The following ADAMTS20 variants were observed in gnomAD, a reference collection of about 807,000 sequenced individuals.
ADAMTS20 encodes the protein A disintegrin and metalloproteinase with thrombospondin motifs 20.
Under a neutral mutation model 260.1 loss-of-function variants are expected in ADAMTS20, and 225 were observed. The observed-to-expected ratio is 0.87, with a 90% confidence interval of 0.78 to 0.97. ADAMTS20 has a LOEUF of 0.97. Among genes scored for constraint, ADAMTS20 ranks in the 50% least tolerant of loss-of-function variants. ADAMTS20 has a pLI of 0.00. For missense variants in ADAMTS20, 2,400 were observed against 2,337.7 expected (o/e 1.03, Z -0.55); for synonymous variants, 802 against 769.5 (o/e 1.04, Z -0.70).
chr12:43,551,986 C>T lies in ADAMTS20; in HGVS notation c.-65G>A. On this transcript the variant is annotated 5_prime_UTR_variant, in exon 1 of 39. Transcript: ENST00000389420. This position sits in a 1 kb window ranked among gnomAD's most constrained non-coding sequence, Gnocchi z 4.6. Reference sequence around the variant, plus strand: ...AGCCGCCGGCAGCCAAGCCGGCTTCCCTCGCGCTCCGATCCCTCTCCTCCC... The same window carrying T: ...AGCCGCCGGCAGCCAAGCCGGCTTCTCTCGCGCTCCGATCCCTCTCCTCCC... The T allele has an allele frequency of 7.1e-7, 1 of 1,403,308 alleles. No homozygotes were observed. The allele number at this position is 1,403,308 out of a possible 1,614,324, so 86.9% of individuals were successfully genotyped here. A position where few individuals can be genotyped will look rare whatever the true frequency, so the allele number is the denominator to read the frequency against.
intron 3 of ADAMTS20, among the ~76,000 whole-genome samples, chr12:43,530,463 A>G (rs141268576): frequency 9.8e-5 from 15 of 152,336 alleles, no homozygotes; most frequent in Admixed American, 3.9e-4. Context: ...TATTATGTCA[A>G]TAGATTTAAA....
In ADAMTS20 at chr12:43,476,804, C is replaced by T. The variant is rs151225218; in HGVS notation, c.1118-8099G>A. Reference sequence around the variant, plus strand: ...GGTGGGAATTGAACAATGAGATCAGCTGGACACATGAAGGGGAATACCACA... The same window carrying T: ...GGTGGGAATTGAACAATGAGATCAGTTGGACACATGAAGGGGAATACCACA... On this transcript the variant is annotated intron_variant, in intron 7 of 38. Coordinates refer to ENST00000389420, the MANE Select transcript of ADAMTS20 (RefSeq NM_025003.5). 3.7e-3 allele frequency among the ~76,000 whole-genome samples: 539 copies of T among 146,592 alleles called. 10 individuals are homozygous for T. The highest frequency in any genetic ancestry group is 0.03 in the Admixed American group (437 of 14,422).
intron 28 of ADAMTS20, among the ~76,000 whole-genome samples, chr12:43,421,183 A>AT (rs765099894): frequency 6.9e-6 from 1 of 145,418 alleles, no homozygotes; most frequent in African/African-American, 2.6e-5. Flanking sequence ...TACAGTATAT[A>AT]TTTTTTTCTG....
At position 43,354,001 on chromosome 12, in the gene ADAMTS20, A is replaced by G. The variant is rs559403359; in HGVS notation, c.*208T>C. 2.6e-6 allele frequency: 1 copy of G among 380,360 alleles called. No individual in the cohort carries two copies. The highest frequency in any genetic ancestry group is 4.2e-5 in the East Asian group (1 of 23,548). 23.6% of individuals were successfully genotyped at this position (380,360 alleles called of 1,614,324 possible). A position where few individuals can be genotyped will look rare whatever the true frequency, so the allele number is the denominator to read the frequency against. ...GTTCTTTAAAAAATATCCTGATTAG[A>G]TATAAAATAAATTAAGATAGCTCTT... On this transcript the variant is annotated 3_prime_UTR_variant, in exon 39 of 39. Coordinates refer to ENST00000389420, the MANE Select transcript of ADAMTS20 (RefSeq NM_025003.5).
chr12:43,358,025 G>C (rs1470185243), intron 37 of ADAMTS20, among the ~76,000 whole-genome samples: 1 of 152,282 alleles, frequency 6.6e-6, no homozygotes, highest in Admixed American at 6.5e-5. Context: ...TTCCTTCTCA[G>C]ATAGGTTTTT....
At position 43,543,594 on chromosome 12, in the gene ADAMTS20, T is replaced by C. The variant is rs1052469749; in HGVS notation, c.453+7315A>G. On this transcript the variant is annotated intron_variant, in intron 2 of 38. Coordinates refer to ENST00000389420, the MANE Select transcript of ADAMTS20 (RefSeq NM_025003.5). ...AGAAGACTGCGTTATCCAGAGATCCTGGACATTGAGCCAGAGTCAGTGCCC... is the reference window on the plus strand; with the variant it reads ...AGAAGACTGCGTTATCCAGAGATCCCGGACATTGAGCCAGAGTCAGTGCCC... 5.3e-5 allele frequency among the ~76,000 whole-genome samples: 8 copies of C among 152,214 alleles called. 1 individual carries two copies. The highest frequency in any genetic ancestry group is 1.9e-4 in the African/African-American group (8 of 41,470).
At position 43,406,462 on chromosome 12, in the gene ADAMTS20, A is replaced by T. The variant is rs560636184; in HGVS notation, c.4285-7229T>A. On this transcript the variant is annotated intron_variant, in intron 28 of 38. Coordinates refer to ENST00000389420, the MANE Select transcript of ADAMTS20 (RefSeq NM_025003.5). ...TAAATGTCTTTAGAACACTATTATG[A>T]AATAAAAGATTAGTGTATGAAACAA... is the stretch of plus-strand genomic sequence containing the variant. 2.6e-5 allele frequency among the ~76,000 whole-genome samples: 4 copies of T among 152,226 alleles called. No homozygotes were observed. The South Asian group carries it at 8.3e-4, about 32-fold the overall frequency.
At chr12:43,466,610 T>C (rs993923904) in intron 9 of ADAMTS20, 42 bp downstream of exon 9, 1 of 1,550,700 alleles carries the variant, frequency 6.4e-7, no homozygotes, top group Non-Finnish European at 8.8e-7. Context: ...TCAAATCTTA[T>C]AATCGAATAC....
chr12:43,495,254 T>G (rs1942661201), intron 4 of ADAMTS20, among the ~76,000 whole-genome samples: 1 of 152,200 alleles, frequency 6.6e-6, no homozygotes, highest in Admixed American at 6.5e-5. Flanking sequence ...TATCCTTGAA[T>G]GTAACACTAA....
chr12:43,413,854 C>T (rs1941078472), intron 28 of ADAMTS20, among the ~76,000 whole-genome samples: 1 of 152,132 alleles, frequency 6.6e-6, no homozygotes, highest in Non-Finnish European at 1.5e-5. Flanking sequence ...CTTCAGGAAT[C>T]TTTCCCATCC....
intron 31 of ADAMTS20, among the ~76,000 whole-genome samples, chr12:43,381,522 C>T (rs1381797799): frequency 6.6e-6 from 1 of 150,634 alleles, no homozygotes; most frequent in Non-Finnish European, 1.5e-5. Context: ...GTAGCTTATG[C>T]TATAGTCCCA....
chr12:43,510,156 A>G (rs1295875019), intron 3 of ADAMTS20, among the ~76,000 whole-genome samples: 1 of 152,134 alleles, frequency 6.6e-6, no homozygotes, highest in Non-Finnish European at 1.5e-5. Flanking sequence ...TTAAGTAAAA[A>G]TATAAATGGT....
chr12:43,539,311 C>T lies in ADAMTS20; in HGVS notation c.454-7116G>A, dbSNP rs574165847. 1.1e-4 allele frequency among the ~76,000 whole-genome samples: 16 copies of T among 152,202 alleles called. 1 individual carries two copies. The highest frequency in any genetic ancestry group is 2.9e-4 in the African/African-American group (12 of 41,546). On this transcript the variant is annotated intron_variant, in intron 2 of 38. Coordinates refer to ENST00000389420, the MANE Select transcript of ADAMTS20 (RefSeq NM_025003.5). Reference sequence around the variant, plus strand: ...ACATGTCTAGGATATAGTTATATGACGGTTTTCTTTCAATGCTGAAAAGTA... The same window carrying T: ...ACATGTCTAGGATATAGTTATATGATGGTTTTCTTTCAATGCTGAAAAGTA...
chr12:43,471,205 G>A (rs574723074), intron 7 of ADAMTS20, among the ~76,000 whole-genome samples: 39 of 152,082 alleles, frequency 2.6e-4, no homozygotes, highest in South Asian at 1.2e-3. Flanking sequence ...TTCCCTTTCC[G>A]AGTCAAAGAA....
chr12:43,412,572 T>C (rs1487925521), intron 28 of ADAMTS20, among the ~76,000 whole-genome samples: 1 of 152,108 alleles, frequency 6.6e-6, no homozygotes. Context: ...TCACCTAAGA[T>C]TGACACCTTG....
chr12:43,494,849 G>A (rs1455977895), intron 4 of ADAMTS20, among the ~76,000 whole-genome samples: 1 of 152,172 alleles, frequency 6.6e-6, no homozygotes, highest in South Asian at 2.1e-4. Context: ...GAGTTTAAAA[G>A]TGGATGCTTT....
chr12:43,544,535 A>G (rs151204328), intron 2 of ADAMTS20, among the ~76,000 whole-genome samples: 2 of 152,336 alleles, frequency 1.3e-5, no homozygotes, highest in Non-Finnish European at 2.9e-5. Context: ...TAAAACGTCA[A>G]CTGGTACAAC....
At chr12:43,364,379 T>C (rs1204491052) in intron 37 of ADAMTS20, among the ~76,000 whole-genome samples, 2 of 152,056 alleles carry the variant, frequency 1.3e-5, no homozygotes, top group Non-Finnish European at 2.9e-5. Context: ...CTTTGAGAGA[T>C]ATCAGATGTC....
chr12:43,428,582 T>C (rs1941380328), intron 25 of ADAMTS20, 51 bp from the exon 26 acceptor site: 17 of 1,477,228 alleles, frequency 1.2e-5, no homozygotes, highest in Admixed American at 2.4e-5. Flanking sequence ...TTATATTTAA[T>C]ATCAAATATA....
Sources: allele counts gnomAD v4.1 joint callset (sites outside exome capture counted in the v4.1 genomes callset), GRCh38; gene constraint gnomAD v4.1.1; non-coding constraint Gnocchi (gnomAD v3.1); transcripts MANE v1.5; gene names NCBI Gene and HGNC (gene_info 2026-07-23, HGNC 2026-07-21).